PTPRR: variants seen among roughly 807,000 people sequenced by gnomAD.
The protein encoded by PTPRR is receptor-type tyrosine-protein phosphatase R.
A neutral mutation model predicts 77.2 loss-of-function variants in PTPRR; 38 were observed. The observed-to-expected ratio is 0.49, with a 90% CI of 0.38 to 0.65. The LOEUF is 0.65. PTPRR is among the 30% of genes least tolerant of loss of function. The probability of loss-of-function intolerance (pLI) is 0.00; values close to 1 mark genes in which losing one functional copy is unlikely to be tolerated. For synonymous variants in PTPRR, 299 were observed against 283.1 expected, an observed-to-expected ratio of 1.06 and a Z score of -0.57; for missense variants, 744 against 799.2, an observed-to-expected ratio of 0.93 and a Z score of 0.83.
At chr12:70,837,041 A>G (rs1043580577) in intron 2 of PTPRR, among the ~76,000 whole-genome samples, 1 of 152,106 alleles carries the variant, frequency 6.6e-6, no homozygotes, top group African/African-American at 2.4e-5. Flanking sequence ...TATAAAGCAT[A>G]ATACTCCAAA....
intron 2 of PTPRR, among the ~76,000 whole-genome samples, chr12:70,791,258 C>G (rs1565698406): frequency 6.6e-6 from 1 of 152,176 alleles, no homozygotes; most frequent in African/African-American, 2.4e-5. Context: ...ACTTCCACTT[C>G]ATTTATTCTA....
rs368561169 is a variant in PTPRR at position 70,845,804 on chromosome 12, T to C, written c.357+46875A>G. 1.1e-4 allele frequency among the ~76,000 whole-genome samples: 17 copies of C among 152,278 alleles called. 1 individual carries two copies. In the East Asian group the frequency reaches 2.9e-3, roughly 26 times the overall value. ...AATTCGCTAAATTGCTACATTTCTC[T>C]CTGTGAAGTCACTACCACTGATGTT... On this transcript the variant is annotated intron_variant, in intron 2 of 13. Transcript: ENST00000283228.
intron 2 of PTPRR, among the ~76,000 whole-genome samples, chr12:70,800,853 C>T (rs977284854): frequency 4.0e-5 from 6 of 150,874 alleles, no homozygotes; most frequent in African/African-American, 1.5e-4. Context: ...TGAGATCGCA[C>T]TATTGCACTC....
intron 2 of PTPRR, among the ~76,000 whole-genome samples, chr12:70,853,384 T>C (rs934455615): frequency 3.3e-5 from 5 of 152,314 alleles, no homozygotes; most frequent in African/African-American, 1.2e-4. Context: ...ACATTCTGCA[T>C]TAAAACTACA....
intron 2 of PTPRR, among the ~76,000 whole-genome samples, chr12:70,773,924 T>C (rs1592749580): frequency 6.6e-6 from 1 of 152,210 alleles, no homozygotes; most frequent in East Asian, 1.9e-4. Flanking sequence ...GATTTGGAAA[T>C]GCAGTGATCA....
intron 6 of PTPRR, among the ~76,000 whole-genome samples, chr12:70,726,152 G>A (rs1399843025): frequency 6.7e-6 from 1 of 149,030 alleles, no homozygotes; most frequent in African/African-American, 2.5e-5. Context: ...CATTACACTT[G>A]TAAAATATAT....
At chr12:70,733,478 A>AAAT (rs1889753212) in intron 6 of PTPRR, among the ~76,000 whole-genome samples, 1 of 88,572 alleles carries the variant, frequency 1.1e-5, no homozygotes, top group African/African-American at 5.6e-5. Context: ...GGCAAAAAAA[A>AAAT]AAAGAAAAAA....
intron 2 of PTPRR, among the ~76,000 whole-genome samples, chr12:70,780,173 G>A (rs1183194251): frequency 1.3e-5 from 2 of 152,094 alleles, no homozygotes; most frequent in Non-Finnish European, 2.9e-5. Flanking sequence ...CGTATTTTTA[G>A]TAGAGACGGG....
chr12:70,655,382 C>T (rs781567427), intron 13 of PTPRR, among the ~76,000 whole-genome samples: 6 of 152,088 alleles, frequency 3.9e-5, no homozygotes, highest in Non-Finnish European at 8.8e-5. Flanking sequence ...TCCATCAATC[C>T]CACTTTTTGG....
At chr12:70,897,398 GA>G (rs1341670314) in intron 1 of PTPRR, among the ~76,000 whole-genome samples, 1 of 151,836 alleles carries the variant, frequency 6.6e-6, no homozygotes, top group Non-Finnish European at 1.5e-5. Context: ...AAAAACACAT[GA>G]AAAAATGCTC....
intron 2 of PTPRR, among the ~76,000 whole-genome samples, chr12:70,768,235 T>G (rs11514313): frequency 0.36 from 55,061 of 151,696 alleles, 11,889 homozygotes; most frequent in African/African-American, 0.6. Context: ...AGCTGGTTTT[T>G]TGAAAGGATC....
intron 10 of PTPRR, among the ~76,000 whole-genome samples, chr12:70,678,083 C>T (rs1043525688): frequency 6.6e-6 from 1 of 152,170 alleles, no homozygotes. Flanking sequence ...CTCTGTCACC[C>T]AGGCTGGAGT....
At chr12:70,769,855 G>A (rs180670669) in intron 2 of PTPRR, among the ~76,000 whole-genome samples, 12,711 of 151,718 alleles carry the variant, frequency 0.084, 675 homozygotes, top group African/African-American at 0.15. Flanking sequence ...AAATAACGCC[G>A]CATATCTACA....
intron 8 of PTPRR, among the ~76,000 whole-genome samples, chr12:70,693,528 T>C (rs574912341): frequency 2.0e-5 from 3 of 152,026 alleles, no homozygotes; most frequent in Admixed American, 2.0e-4. Flanking sequence ...TAAACTTTTT[T>C]TGTGTGTGTG....
intron 2 of PTPRR, among the ~76,000 whole-genome samples, chr12:70,803,775 A>G (rs1891658812): frequency 6.6e-6 from 1 of 152,196 alleles, no homozygotes; most frequent in African/African-American, 2.4e-5. Context: ...GGCCATTTGT[A>G]TCTATTTGAT....
chr12:70,856,694 C>A (rs561722036), intron 2 of PTPRR, among the ~76,000 whole-genome samples: 23 of 152,014 alleles, frequency 1.5e-4, no homozygotes, highest in South Asian at 1.0e-3. Flanking sequence ...AATTATTAGT[C>A]CTTAATTATT....
At chr12:70,828,782 A>G (rs1243671184) in intron 2 of PTPRR, among the ~76,000 whole-genome samples, 1 of 152,208 alleles carries the variant, frequency 6.6e-6, no homozygotes, top group African/African-American at 2.4e-5. Flanking sequence ...CTTGTTATAA[A>G]TTTCTCAGAA....
At chr12:70,860,916 CTTGTT>C (rs1245317354) in intron 2 of PTPRR, among the ~76,000 whole-genome samples, 1 of 152,044 alleles carries the variant, frequency 6.6e-6, no homozygotes, top group Non-Finnish European at 1.5e-5. Flanking sequence ...TATTCCCTTG[CTTGTT>C]TTATTTTTAT....
chr12:70,918,139 T>A (rs1380552751), intron 1 of PTPRR, among the ~76,000 whole-genome samples: 1 of 152,208 alleles, frequency 6.6e-6, no homozygotes, highest in African/African-American at 2.4e-5. Context: ...ACCAAGGAGC[T>A]GTGTTTGTTT....
Sources: gnomAD v4.1 joint callset for allele counts (sites outside exome capture counted in the v4.1 genomes callset) on GRCh38, gnomAD v4.1.1 for gene constraint, MANE v1.5 for transcripts, NCBI Gene and HGNC (gene_info 2026-07-23, HGNC 2026-07-21) for gene names.